TAB2: variants seen among roughly 807,000 people sequenced by gnomAD.
TAB2 encodes TGF-beta activated kinase 1 (MAP3K7) binding protein 2.
Under a neutral mutation model 65.0 loss-of-function variants are expected in TAB2, and 3 were observed. The ratio of observed to expected loss-of-function variants is 0.05; its 90% CI spans 0.02 to 0.12. TAB2 has a LOEUF of 0.12. TAB2 is among the 10% of genes least tolerant of loss of function. The pLI is 1.00. For missense variants in TAB2, 623 were observed against 840.3 expected, an observed-to-expected ratio of 0.74 and a Z score of 3.20; for synonymous variants, 298 against 285.1, an observed-to-expected ratio of 1.05 and a Z score of -0.46.
intron 1 of TAB2, among the ~76,000 whole-genome samples, chr6:149,283,956 C>G (rs1778623612): frequency 6.6e-6 from 1 of 152,182 alleles, no homozygotes; most frequent in African/African-American, 2.4e-5. Context: ...AGTGTGTTAA[C>G]AGTAGGCTCT....
At chr6:149,386,069 A>G (rs780951591) in intron 3 of TAB2, among the ~76,000 whole-genome samples, 4 of 151,952 alleles carry the variant, frequency 2.6e-5, no homozygotes, top group Admixed American at 6.6e-5. Context: ...TTATATTCAC[A>G]TACACATACG....
intron 1 of TAB2, among the ~76,000 whole-genome samples, chr6:149,320,561 G>T (rs1183759703): frequency 6.6e-6 from 1 of 152,114 alleles, no homozygotes; most frequent in Non-Finnish European, 1.5e-5. Flanking sequence ...ATGTACATAT[G>T]TGTATCTGTG....
exon 1 of TAB2, chr6:149,218,685 C>G (rs1777074377): frequency 2.2e-6 from 1 of 450,898 alleles, no homozygotes; most frequent in African/African-American, 2.0e-5. Context: ...AAGATCTAAA[C>G]ACCATCTGAT....
intron 3 of TAB2, among the ~76,000 whole-genome samples, 183 bp from the exon 4 acceptor site, chr6:149,397,421 A>G (rs1056633220): frequency 1.3e-5 from 2 of 152,136 alleles, no homozygotes; most frequent in Non-Finnish European, 2.9e-5. Context: ...AGCCTGAGCA[A>G]CAAGAGTAAA....
At chr6:149,248,686 T>C (rs552263874) in intron 1 of TAB2, among the ~76,000 whole-genome samples, 35 of 152,074 alleles carry the variant, frequency 2.3e-4, no homozygotes, top group Non-Finnish European at 4.3e-4. Flanking sequence ...CTCTGGAAAA[T>C]AACGTCAGCA....
chr6:149,403,427 T>C (rs1181921535), intron 6 of TAB2, among the ~76,000 whole-genome samples: 10 of 147,984 alleles, frequency 6.8e-5, no homozygotes, highest in African/African-American at 2.5e-4. Context: ...AAAAACCCCA[T>C]AGGTAATATA....
intron 1 of TAB2, among the ~76,000 whole-genome samples, chr6:149,325,825 G>T (rs1023985869): frequency 6.6e-6 from 1 of 152,102 alleles, no homozygotes; most frequent in Non-Finnish European, 1.5e-5. Flanking sequence ...CTGAAGTCTT[G>T]ACCTCCCAGG....
At chr6:149,357,430 A>AAAAACAC in intron 1 of TAB2, among the ~76,000 whole-genome samples, 20 of 111,176 alleles carry the variant, frequency 1.8e-4, no homozygotes, top group East Asian at 1.3e-3. Flanking sequence ...AGAAAAAAAA[A>AAAAACAC]ACACACACAC....
Position 149,254,306 on chromosome 6 carries a change from G to A in TAB2, c.-121+35530G>A, listed in dbSNP as rs141889970. On this transcript the variant is annotated intron_variant, in intron 1 of 1. Coordinates refer to the TAB2 transcript ENST00000606202. ...ACAGGAGAGTAAGGCAGAAGGCTTGGTAGAACCATGTGAAGCCTGACCAGC... is the reference window on the plus strand; with the variant it reads ...ACAGGAGAGTAAGGCAGAAGGCTTGATAGAACCATGTGAAGCCTGACCAGC... Among the ~76,000 whole-genome samples, 25 of 152,294 alleles carry A rather than the reference G, an allele frequency of 1.6e-4. No homozygotes were observed. The East Asian group carries it at 4.2e-3, about 26-fold the overall frequency.
intron 3 of TAB2, among the ~76,000 whole-genome samples, chr6:149,386,876 A>G (rs983540754): frequency 6.6e-6 from 1 of 152,218 alleles, no homozygotes; most frequent in Non-Finnish European, 1.5e-5. Flanking sequence ...GATGTCAAGC[A>G]TCATTTCATG....
intron 1 of TAB2, among the ~76,000 whole-genome samples, chr6:149,368,465 A>C (rs1215820324): frequency 6.6e-6 from 1 of 152,142 alleles, no homozygotes; most frequent in Non-Finnish European, 1.5e-5. Context: ...GTTTTAGCCC[A>C]AAATTGGGGG....
chr6:149,356,661 A>G (rs934947714), intron 1 of TAB2, among the ~76,000 whole-genome samples: 7 of 152,104 alleles, frequency 4.6e-5, no homozygotes, highest in South Asian at 2.1e-4. Context: ...TCACCTCCCA[A>G]TACTGTCATC....
chr6:149,249,170 GCACACA>G (rs35356478), intron 1 of TAB2, among the ~76,000 whole-genome samples: 58 of 150,154 alleles, frequency 3.9e-4, no homozygotes, highest in African/African-American at 1.3e-3. Flanking sequence ...ACACACACAC[GCACACA>G]CACACACACA....
Position 149,311,644 on chromosome 6 carries a change from C to T in TAB2, c.-120-66374C>T, listed in dbSNP as rs902861785. Among the ~76,000 whole-genome samples, 29 of 119,144 alleles carry T rather than the reference C, an allele frequency of 2.4e-4. 10 individuals carry two copies. Among genetic ancestry groups the T allele is most frequent in the Non-Finnish European group, 5.1e-4 (26 of 51,308 alleles). The allele number at this position is 119,144 out of a possible 152,430, so 78.2% of individuals were successfully genotyped here. A position where few individuals can be genotyped will look rare whatever the true frequency, so the allele number is the denominator to read the frequency against. On this transcript the variant is annotated intron_variant, in intron 1 of 1. Coordinates refer to the TAB2 transcript ENST00000606202. ...ATTGGTAGTAGTAGTAGTAATGGTA[C>T]CACTGTCAATGCTAGTGTTAGTAAC... is the stretch of plus-strand genomic sequence containing the variant.
At chr6:149,346,209 G>A (rs1001976505) in intron 1 of TAB2, among the ~76,000 whole-genome samples, 1 of 152,052 alleles carries the variant, frequency 6.6e-6, no homozygotes, top group South Asian at 2.1e-4. Context: ...TGTACACTTT[G>A]TCTAACTTGT....
At chr6:149,332,271 GA>G (rs1248310906) in intron 1 of TAB2, among the ~76,000 whole-genome samples, 1 of 152,156 alleles carries the variant, frequency 6.6e-6, no homozygotes, top group Non-Finnish European at 1.5e-5. Context: ...ATTCAGACTA[GA>G]AATATGAATT....
At chr6:149,339,603 TTA>T (rs1491363158) in intron 1 of TAB2, among the ~76,000 whole-genome samples, 4,000 of 54,614 alleles carry the variant, frequency 0.073, 133 homozygotes, top group South Asian at 0.23. Context: ...ATTTATTTAT[TTA>T]TTTTTTTTTT....
At position 149,409,792 on chromosome 6, in the gene TAB2, T is replaced by C; in HGVS notation, c.*73T>C. 6.4e-7 allele frequency: 1 copy of C among 1,555,288 alleles called. No homozygotes were observed. The highest frequency in any genetic ancestry group is 8.9e-7 in the Non-Finnish European group (1 of 1,128,330). ...AACTAGTCTGTCATCGGGAAAAAGT[T>C]TCACTGCTACATAGGATTTTGTCAA... On this transcript the variant is annotated 3_prime_UTR_variant, in exon 7 of 7. Transcript: ENST00000637181.
chr6:149,378,817 C>G lies in TAB2; in HGVS notation c.902C>G (p.Ser301Cys), dbSNP rs1356615525. 1.9e-6 allele frequency: 3 copies of G among 1,614,080 alleles called. No individual in the cohort carries two copies. The highest frequency in any genetic ancestry group is 2.5e-6 in the Non-Finnish European group (3 of 1,180,040). The part of the protein sequence containing the change: ...TTSQPPTIHS[S>C]GSSQSSAHSQ... The stretch of plus-strand genomic sequence containing the variant: ...TCACAACCACCAACCATTCATTCAT[C>G]TGGTAGCTCACAGTCTTCTGCCCAT... Residue 301 changes from serine to cysteine, a missense_variant, in exon 3 of 7, where the codon TCT becomes TGT. This residue lies in a region of TAB2 where 550 missense variants were observed against 665.7 expected (regional missense o/e 0.83). Transcript: ENST00000637181.
Sources: allele counts gnomAD v4.1 joint callset (sites outside exome capture counted in the v4.1 genomes callset), GRCh38; gene constraint gnomAD v4.1.1; regional missense constraint gnomAD v4.1.1; transcripts MANE v1.5; gene names NCBI Gene and HGNC (gene_info 2026-07-23, HGNC 2026-07-21).